The following PPT1 variants were observed in gnomAD, a reference collection of about 807,000 sequenced individuals.
PPT1 encodes ceroid-palmitoyl-palmitoyl-protein thioesterase 1.
Under a neutral mutation model 44.0 loss-of-function variants are expected in PPT1, and 24 were observed. The ratio of observed to expected loss-of-function variants is 0.54; its 90% CI spans 0.39 to 0.77. The LOEUF is 0.77. PPT1 is among the 30% of genes least tolerant of loss of function. The probability of loss-of-function intolerance (pLI) is 0.00; values close to 1 mark genes in which losing one functional copy is unlikely to be tolerated. For missense variants in PPT1, 341 were observed against 378.8 expected, an observed-to-expected ratio of 0.90 and a Z score of 0.83; for synonymous variants, 148 against 140.2, an observed-to-expected ratio of 1.06 and a Z score of -0.39.
intron 5 of PPT1, among the ~76,000 whole-genome samples, chr1:40,083,305 AG>A (rs1649076419): frequency 6.6e-6 from 1 of 152,102 alleles, no homozygotes; most frequent in Non-Finnish European, 1.5e-5. Context: ...TCTTTTTAAA[AG>A]TAGCCGAGCA....
rs1221416033 is a variant in PPT1, at chr1:40,092,074, A to C, written c.333T>G (p.Ala111=). 1.2e-6 allele frequency: 2 copies of C among 1,613,996 alleles called. No individual in the cohort carries two copies. Among genetic ancestry groups the C allele is most frequent in the Non-Finnish European group, 1.7e-6 (2 of 1,180,006 alleles). The change falls in exon 3 of 9, where the codon GCT becomes GCG. Residue 111 remains alanine (A), a synonymous_variant. Coordinates refer to ENST00000642050, the MANE Select transcript of PPT1 (RefSeq NM_000310.4). ...ATTGGCCTCCCTGGGAGAATCCCAT[A>C]GCATTGTAGCCTTGCTGCAATTTAG... ...KDPKLQQGYN[A]MGFSQGGQFL...
intron 5 of PPT1, among the ~76,000 whole-genome samples, chr1:40,089,024 C>T (rs778309843): frequency 3.9e-5 from 6 of 151,990 alleles, no homozygotes; most frequent in East Asian, 1.9e-4. Context: ...TGGTGGCTCA[C>T]GCCTGTAATC....
chr1:40,075,450 G>C (rs1648565440), intron 8 of PPT1, among the ~76,000 whole-genome samples: 1 of 149,468 alleles, frequency 6.7e-6, no homozygotes, highest in Non-Finnish European at 1.5e-5. Context: ...TCACAGTAAG[G>C]AAGTTCTTAG....
chr1:40,086,476 G>A (rs1359228723), intron 5 of PPT1, among the ~76,000 whole-genome samples: 1 of 152,192 alleles, frequency 6.6e-6, no homozygotes, highest in African/African-American at 2.4e-5. Context: ...GAAGAATGTG[G>A]AAGACATCTT....
intron 8 of PPT1, chr1:40,076,506 T>G: frequency 1.3e-6 from 1 of 745,352 alleles, no homozygotes; most frequent in Non-Finnish European, 1.6e-6. Flanking sequence ...CATGGAGGCT[T>G]CCTGGATTTG....
intron 5 of PPT1, among the ~76,000 whole-genome samples, chr1:40,085,143 C>G (rs574628346): frequency 6.6e-6 from 1 of 152,216 alleles, no homozygotes; most frequent in Non-Finnish European, 1.5e-5. Flanking sequence ...GGTCATGTTC[C>G]TAGCCTGCTT....
chr1:40,078,069 G>T (rs1224546984), intron 7 of PPT1, among the ~76,000 whole-genome samples: 1 of 152,206 alleles, frequency 6.6e-6, no homozygotes, highest in Admixed American at 6.5e-5. Context: ...GGGGTTGGGG[G>T]ATTGATTACA....
chr1:40,097,013 TG>T, intron 1 of PPT1, 101 bp downstream of exon 1: 8 of 1,600,330 alleles, frequency 5.0e-6, no homozygotes, highest in Non-Finnish European at 6.0e-6. Flanking sequence ...CCGCGTGCTG[TG>T]GGACCACGTC....
intron 1 of PPT1, among the ~76,000 whole-genome samples, chr1:40,092,902 T>G (rs1346685088): frequency 6.6e-6 from 1 of 152,146 alleles, no homozygotes; most frequent in African/African-American, 2.4e-5. Flanking sequence ...TGTAGAAAAA[T>G]GGGACCCCTT....
intron 5 of PPT1, among the ~76,000 whole-genome samples, chr1:40,087,320 G>A (rs1490285841): frequency 1.3e-5 from 2 of 151,878 alleles, no homozygotes; most frequent in Admixed American, 6.6e-5. Context: ...TCAGCTCACT[G>A]CAACCTCCGC....
rs1648646913 is a variant in PPT1 at position 40,076,666 on chromosome 1, C to T, written c.798+176G>A. 2.8e-6 allele frequency: 4 copies of T among 1,453,804 alleles called. No homozygotes were observed. In the Admixed American group the frequency reaches 1.0e-4, roughly 38 times the overall value. 90.1% of individuals were successfully genotyped at this position (1,453,804 alleles called of 1,614,324 possible). On this transcript the variant is annotated intron_variant, in intron 8 of 8. Transcript: ENST00000642050. Reference sequence around the variant, plus strand: ...TAACCCAGTGCCTAATAAGCTAGAGCACATAATCAAGAGCCTAACAAGCTT... The same window carrying T: ...TAACCCAGTGCCTAATAAGCTAGAGTACATAATCAAGAGCCTAACAAGCTT...
intron 5 of PPT1, chr1:40,082,049 C>T (rs1287083030): frequency 6.6e-6 from 1 of 152,344 alleles, no homozygotes; most frequent in African/African-American, 2.4e-5. Flanking sequence ...TTTCCAATCT[C>T]TCTCCACTTC....
chr1:40,076,491 T>C (rs929257459), intron 8 of PPT1: 12 of 584,492 alleles, frequency 2.1e-5, no homozygotes, highest in Non-Finnish European at 2.4e-5. Context: ...ATGCCCCTCA[T>C]CATGCATGGA....
At chr1:40,091,909 C>T in intron 3 of PPT1, 136 bp downstream of exon 3, 2 of 1,078,944 alleles carry the variant, frequency 1.9e-6, no homozygotes. Flanking sequence ...CATAAAGCTT[C>T]TTACACAGGA....
Position 40,092,091 on chromosome 1 carries a change from G to C in PPT1, c.316C>G (p.Gln106Glu). 1 of 1,614,076 alleles carries C rather than the reference G, an allele frequency of 6.2e-7. No homozygotes were observed. Among genetic ancestry groups the C allele is most frequent in the Non-Finnish European group, 8.5e-7 (1 of 1,179,950 alleles). The change falls in exon 3 of 9, where the codon CAG becomes GAG. Residue 106 changes from glutamine (Q) to glutamate (E), a missense_variant. Coordinates refer to ENST00000642050, the MANE Select transcript of PPT1 (RefSeq NM_000310.4). The part of the protein sequence containing the change: ...CQALAKDPKL[Q>E]QGYNAMGFSQ... The stretch of plus-strand genomic sequence containing the variant: ...AATCCCATAGCATTGTAGCCTTGCT[G>C]CAATTTAGGATCCTTAGCAAGTGCC...
At chr1:40,089,638 T>A (rs370175965) in intron 4 of PPT1, 126 bp from the exon 5 acceptor site, 2 of 750,030 alleles carry the variant, frequency 2.7e-6, no homozygotes, top group African/African-American at 1.7e-5. Context: ...TTATTCCTCA[T>A]GAAAATAAAG....
rs530546595 is a variant in PPT1, at chr1:40,088,083, G to C, written c.536+1327C>G. ...AATGAGACACTTGGAAAACCCACAG[G>C]ATATTAGTTGATCCCAAACTCCAGC... On this transcript the variant is annotated intron_variant, in intron 5 of 8. Transcript: ENST00000642050. 3.3e-5 allele frequency among the ~76,000 whole-genome samples: 5 copies of C among 151,956 alleles called. No homozygotes were observed. In the South Asian group the frequency reaches 1.0e-3, roughly 32 times the overall value.
At chr1:40,081,681 T>A (rs540969895) in intron 5 of PPT1, among the ~76,000 whole-genome samples, 14 of 152,238 alleles carry the variant, frequency 9.2e-5, no homozygotes, top group African/African-American at 3.1e-4. Flanking sequence ...CCCAGCCACA[T>A]GGAACTGTAA....
intron 5 of PPT1, among the ~76,000 whole-genome samples, chr1:40,083,840 G>A (rs1258283165): frequency 6.6e-6 from 1 of 152,104 alleles, no homozygotes; most frequent in Admixed American, 6.6e-5. Flanking sequence ...GAGCCCAGGA[G>A]TGTGAGACTA....
Sources: allele counts gnomAD v4.1 joint callset (sites outside exome capture counted in the v4.1 genomes callset), GRCh38; gene constraint gnomAD v4.1.1; transcripts MANE v1.5; gene names NCBI Gene and HGNC (gene_info 2026-07-23, HGNC 2026-07-21).